Variants in PLEKHA5 observed in about 807,000 individuals in gnomAD.
PLEKHA5 encodes pleckstrin homology domain-containing family A member 5.
PLEKHA5 carries 55 observed loss-of-function variants against 181.9 expected under a neutral mutation model. The ratio of observed to expected loss-of-function variants is 0.30; its 90% CI spans 0.24 to 0.38. The LOEUF (loss-of-function observed/expected upper bound fraction) is 0.38, where lower values mean the gene tolerates loss of function less well. PLEKHA5 is among the 10% of genes least tolerant of loss of function. PLEKHA5 has a pLI of 1.00. For synonymous variants in PLEKHA5, 535 were observed against 529.4 expected (o/e 1.01, Z -0.15); for missense variants, 1,432 against 1,549.5 (o/e 0.92, Z 1.27).
intron 12 of PLEKHA5, among the ~76,000 whole-genome samples, chr12:19,285,758 A>C (rs1258740547): frequency 4.6e-5 from 7 of 152,220 alleles, no homozygotes; most frequent in Admixed American, 4.6e-4. Flanking sequence ...GAAACAGTAG[A>C]AAATAATTTT....
At chr12:19,169,754 GGGTAAAAACCA>G (rs2045454794) in intron 3 of PLEKHA5, among the ~76,000 whole-genome samples, 2 of 152,248 alleles carry the variant, frequency 1.3e-5, no homozygotes, top group African/African-American at 4.8e-5. Context: ...GAAATGGCCC[GGGTAAAAACCA>G]GGTCAAGATT....
At chr12:19,164,176 T>A (rs1200474696) in intron 3 of PLEKHA5, among the ~76,000 whole-genome samples, 1 of 151,026 alleles carries the variant, frequency 6.6e-6, no homozygotes, top group Non-Finnish European at 1.5e-5. Context: ...TTTCCCCACT[T>A]CTTGCTCTCC....
chr12:19,197,043 TC>T (rs1267165959), intron 3 of PLEKHA5, among the ~76,000 whole-genome samples: 1 of 152,074 alleles, frequency 6.6e-6, no homozygotes, highest in African/African-American at 2.4e-5. Flanking sequence ...CTGTACTTCC[TC>T]CCCTGCCCTT....
At chr12:19,221,445 T>TGG (rs546363386) in intron 3 of PLEKHA5, among the ~76,000 whole-genome samples, 222 of 152,124 alleles carry the variant, frequency 1.5e-3, no homozygotes, top group African/African-American at 5.1e-3. Context: ...ATGGCAAAAC[T>TGG]ATAGAGTGGA....
chr12:19,332,082 C>G (rs2092898972), intron 20 of PLEKHA5, among the ~76,000 whole-genome samples: 1 of 152,082 alleles, frequency 6.6e-6, no homozygotes, highest in African/African-American at 2.4e-5. Flanking sequence ...CCCAGGAGTT[C>G]AAGACCAGCC....
intron 14 of PLEKHA5, among the ~76,000 whole-genome samples, 158 bp from the exon 15 acceptor site, chr12:19,291,486 C>T (rs190842748): frequency 9.5e-4 from 144 of 152,250 alleles, no homozygotes; most frequent in East Asian, 8.9e-3. Context: ...AATATGTCAG[C>T]GGTACCATTT....
chr12:19,165,854 G>A (rs1157667686), intron 3 of PLEKHA5, among the ~76,000 whole-genome samples: 1 of 152,146 alleles, frequency 6.6e-6, no homozygotes, highest in Non-Finnish European at 1.5e-5. Flanking sequence ...TCGCAAAAGG[G>A]AAAGTACAGT....
intron 3 of PLEKHA5, among the ~76,000 whole-genome samples, chr12:19,199,460 G>A (rs2053687363): frequency 6.6e-6 from 1 of 152,100 alleles, no homozygotes; most frequent in Non-Finnish European, 1.5e-5. Flanking sequence ...GGCAGCATCT[G>A]TTTCTAACTT....
Position 19,221,687 on chromosome 12 carries a change from TACAAATGTATG to T in PLEKHA5, c.228-32249_228-32239del, listed in dbSNP as rs1210860760. ...TGCAGACTATGACAAAGGAGCCTAT[TACAAATGTATG>T]ACACAACCTCACTGAACGGCATGGG... On this transcript the variant is annotated intron_variant, in intron 3 of 31. Coordinates refer to ENST00000429027, the MANE Select transcript of PLEKHA5 (RefSeq NM_001256470.2). Among the ~76,000 whole-genome samples, 4 of 152,260 alleles carry T rather than the reference TACAAATGTATG, an allele frequency of 2.6e-5. No individual in the cohort carries two copies. In the East Asian group the frequency reaches 7.7e-4, roughly 29 times the overall value.
At chr12:19,173,005 C>CTTTTTTTTTT (rs71064064) in intron 3 of PLEKHA5, among the ~76,000 whole-genome samples, 2,079 of 33,568 alleles carry the variant, frequency 0.062, 794 homozygotes, top group Middle Eastern at 0.11. Context: ...ATTTCCCTTT[C>CTTTTTTTTTT]TTTTTTTTTT....
intron 16 of PLEKHA5, among the ~76,000 whole-genome samples, chr12:19,317,356 C>CTT (rs58539448): frequency 3.6e-5 from 5 of 139,924 alleles, no homozygotes; most frequent in Non-Finnish European, 3.1e-5. Flanking sequence ...GATACTATCT[C>CTT]TTTTTTTTTT....
intron 3 of PLEKHA5, among the ~76,000 whole-genome samples, chr12:19,250,902 G>T (rs1175035134): frequency 6.6e-6 from 1 of 152,068 alleles, no homozygotes; most frequent in Non-Finnish European, 1.5e-5. Flanking sequence ...GGCTTGGGGG[G>T]AAAATGGATC....
chr12:19,283,239 C>CCG, intron 11 of PLEKHA5, 41 bp from the exon 12 acceptor site: 8 of 995,898 alleles, frequency 8.0e-6, no homozygotes, highest in Non-Finnish European at 1.2e-5. Context: ...TGGAAAATAA[C>CCG]CCTCCTTCAT....
chr12:19,236,837 G>C (rs112529413), intron 3 of PLEKHA5: 1 of 152,180 alleles, frequency 6.6e-6, no homozygotes, highest in African/African-American at 2.4e-5. Flanking sequence ...GACATGTTCT[G>C]ATGTGACGTC....
intron 28 of PLEKHA5, among the ~76,000 whole-genome samples, chr12:19,360,345 G>T (rs535437497): frequency 6.6e-6 from 1 of 151,702 alleles, no homozygotes; most frequent in South Asian, 2.1e-4. Flanking sequence ...AGTGGCTCAT[G>T]CCTGTAATCC....
At chr12:19,297,630 A>G (rs1316987289) in intron 15 of PLEKHA5, among the ~76,000 whole-genome samples, 15 of 123,052 alleles carry the variant, frequency 1.2e-4, no homozygotes, top group African/African-American at 4.7e-4. Context: ...CTCCGTCTCA[A>G]AAAAAAAAAA....
intron 11 of PLEKHA5, among the ~76,000 whole-genome samples, chr12:19,282,548 A>C (rs74064447): frequency 0.014 from 2,180 of 152,342 alleles, 47 homozygotes; most frequent in African/African-American, 0.05. Flanking sequence ...ATATACTTGT[A>C]GTAATTTATT....
At position 19,236,299 on chromosome 12, in the gene PLEKHA5, T is replaced by C. The variant is rs561491326; in HGVS notation, c.228-17641T>C. Reference sequence around the variant, plus strand: ...GGTTTGAATCCTATTTAATCACTTATTAGCATTGTGACTGTGGGCAAATTA... The same window carrying C: ...GGTTTGAATCCTATTTAATCACTTACTAGCATTGTGACTGTGGGCAAATTA... On this transcript the variant is annotated intron_variant, in intron 3 of 31. Transcript: ENST00000429027. 6.6e-5 allele frequency among the ~76,000 whole-genome samples: 10 copies of C among 152,296 alleles called. No individual in the cohort carries two copies. In the South Asian group the frequency reaches 1.5e-3, roughly 22 times the overall value.
chr12:19,357,295 C>A (rs1412833024), intron 26 of PLEKHA5, among the ~76,000 whole-genome samples: 2 of 149,572 alleles, frequency 1.3e-5, no homozygotes, highest in African/African-American at 4.9e-5. Flanking sequence ...TCACTCATTG[C>A]CCAGGTTGGC....
Sources: allele counts gnomAD v4.1 joint callset (sites outside exome capture counted in the v4.1 genomes callset), GRCh38; gene constraint gnomAD v4.1.1; transcripts MANE v1.5; gene names NCBI Gene and HGNC (gene_info 2026-07-23, HGNC 2026-07-21).